Variants in DCC observed in about 807,000 individuals in gnomAD.
The protein encoded by DCC is DCC netrin 1 receptor.
In DCC, 58 loss-of-function variants were observed where a neutral mutation model predicts 172.5. The observed-to-expected ratio is 0.34, with a 90% CI of 0.27 to 0.42. The LOEUF is 0.42. Among genes scored for constraint, DCC ranks in the 10% least tolerant of loss-of-function variants. The pLI is 1.00. For synonymous variants in DCC, 709 were observed against 644.5 expected (o/e 1.10, Z -1.52); for missense variants, 1,740 against 1,791.0 (o/e 0.97, Z 0.51).
intron 7 of DCC, among the ~76,000 whole-genome samples, chr18:53,134,683 T>G (rs1019253180): frequency 6.6e-6 from 1 of 152,182 alleles, no homozygotes; most frequent in East Asian, 1.9e-4. Flanking sequence ...TAGACTATAG[T>G]TAAAAGAAAT....
At chr18:52,634,183 A>G (rs1209345663) in intron 1 of DCC, among the ~76,000 whole-genome samples, 3 of 152,260 alleles carry the variant, frequency 2.0e-5, no homozygotes, top group Non-Finnish European at 4.4e-5. Context: ...CTGCCAAGGC[A>G]TGAATAGCAT....
chr18:52,936,882 G>A (rs921592513), intron 5 of DCC, among the ~76,000 whole-genome samples: 10 of 152,104 alleles, frequency 6.6e-5, no homozygotes, highest in Non-Finnish European at 1.0e-4. Flanking sequence ...AAAGACTAGG[G>A]AGCAATATAT....
intron 22 of DCC, among the ~76,000 whole-genome samples, chr18:53,450,257 A>G (rs1176866960): frequency 6.6e-6 from 1 of 151,982 alleles, no homozygotes; most frequent in Non-Finnish European, 1.5e-5. Flanking sequence ...ACTTTTGGCT[A>G]TTCTGAACAG....
chr18:52,918,943 G>A (rs913540537), intron 3 of DCC, among the ~76,000 whole-genome samples: 8 of 152,092 alleles, frequency 5.3e-5, no homozygotes, highest in African/African-American at 1.9e-4. Context: ...ACTCAAAACA[G>A]TAATGATTTA....
chr18:53,289,170 G>T (rs2056970084), intron 12 of DCC, among the ~76,000 whole-genome samples: 1 of 151,832 alleles, frequency 6.6e-6, no homozygotes, highest in African/African-American at 2.4e-5. Flanking sequence ...AAAAAGATTT[G>T]ATATTTATTC....
chr18:53,305,416 G>T (rs2057188417), intron 12 of DCC, among the ~76,000 whole-genome samples, 162 bp from the exon 13 acceptor site: 1 of 152,208 alleles, frequency 6.6e-6, no homozygotes, highest in Non-Finnish European at 1.5e-5. Flanking sequence ...AAATAAGAAT[G>T]CTGTCAGATT....
At chr18:52,923,376 G>A (rs2040153695) in intron 3 of DCC, among the ~76,000 whole-genome samples, 1 of 152,076 alleles carries the variant, frequency 6.6e-6, no homozygotes, top group Admixed American at 6.6e-5. Flanking sequence ...ATATCAATAA[G>A]TTTTGGACAA....
intron 2 of DCC, among the ~76,000 whole-genome samples, chr18:52,883,243 C>T (rs924501650): frequency 1.3e-5 from 2 of 151,944 alleles, no homozygotes; most frequent in African/African-American, 4.8e-5. Context: ...TTTTAGACCA[C>T]TTACATTCAA....
intron 1 of DCC, among the ~76,000 whole-genome samples, chr18:52,563,878 T>C (rs930027803): frequency 6.6e-6 from 1 of 152,194 alleles, no homozygotes; most frequent in Non-Finnish European, 1.5e-5. Context: ...TGCCCCTTAG[T>C]AGGGTTCTGT....
chr18:53,448,190 G>A (rs182801343), intron 22 of DCC, among the ~76,000 whole-genome samples: 5 of 151,480 alleles, frequency 3.3e-5, no homozygotes, highest in East Asian at 2.0e-4. Context: ...ATGAGTATTT[G>A]TATTAATACG....
At chr18:52,913,347 G>A (rs1024967232) in intron 3 of DCC, among the ~76,000 whole-genome samples, 11 of 152,052 alleles carry the variant, frequency 7.2e-5, no homozygotes, top group African/African-American at 1.2e-4. Flanking sequence ...GAATTAAAAC[G>A]TAATTATTTA....
At chr18:53,062,752 G>T (rs755677279) in intron 5 of DCC, among the ~76,000 whole-genome samples, 1 of 152,096 alleles carries the variant, frequency 6.6e-6, no homozygotes, top group Non-Finnish European at 1.5e-5. Context: ...CACTACAGTA[G>T]ATAATTGCTA....
chr18:52,855,526 G>A (rs1334407399), intron 2 of DCC, among the ~76,000 whole-genome samples: 4 of 152,180 alleles, frequency 2.6e-5, no homozygotes, highest in African/African-American at 9.6e-5. Flanking sequence ...GGAAACAATA[G>A]TTGCAAGTTC....
At chr18:53,134,532 A>T (rs1254193016) in intron 7 of DCC, among the ~76,000 whole-genome samples, 1 of 152,118 alleles carries the variant, frequency 6.6e-6, no homozygotes, top group East Asian at 1.9e-4. Flanking sequence ...GTTATTGGAG[A>T]TACAGAGATT....
intron 24 of DCC, among the ~76,000 whole-genome samples, chr18:53,461,194 T>G: frequency 6.6e-6 from 1 of 152,114 alleles, no homozygotes; most frequent in East Asian, 1.9e-4. Context: ...CTTTGTCAGA[T>G]GAGTAGGTTG....
At chr18:52,594,896 T>C (rs553445922) in intron 1 of DCC, among the ~76,000 whole-genome samples, 34 of 152,162 alleles carry the variant, frequency 2.2e-4, no homozygotes, top group Non-Finnish European at 4.9e-4. Context: ...ACCTCCAACA[T>C]TGAGGATTAC....
At chr18:52,375,497 T>C (rs148087048) in intron 1 of DCC, among the ~76,000 whole-genome samples, 289 of 152,346 alleles carry the variant, frequency 1.9e-3, no homozygotes, top group Non-Finnish European at 2.4e-3. Flanking sequence ...AAATTTCAAA[T>C]AACTCTTAGA....
chr18:52,772,571 G>A (rs908224193), intron 2 of DCC, among the ~76,000 whole-genome samples: 1 of 152,162 alleles, frequency 6.6e-6, no homozygotes, highest in Non-Finnish European at 1.5e-5. Context: ...AAAGGGAAAA[G>A]CACATCTCTA....
chr18:52,588,980 C>A (rs2033739849), intron 1 of DCC, among the ~76,000 whole-genome samples: 1 of 151,958 alleles, frequency 6.6e-6, no homozygotes, highest in Non-Finnish European at 1.5e-5. Context: ...TAATTTAACC[C>A]AGTAATACAA....
Sources: allele counts gnomAD v4.1 joint callset (sites outside exome capture counted in the v4.1 genomes callset), GRCh38; gene constraint gnomAD v4.1.1; transcripts MANE v1.5; gene names NCBI Gene and HGNC (gene_info 2026-07-23, HGNC 2026-07-21).